Variants in RBFOX1 observed in about 807,000 individuals in gnomAD.
The protein encoded by RBFOX1 is RNA binding fox-1 homolog 1.
Under a neutral mutation model 57.7 loss-of-function variants are expected in RBFOX1, and 8 were observed. That is an observed-to-expected ratio of 0.14 (90% CI 0.08 to 0.25). The LOEUF (loss-of-function observed/expected upper bound fraction) is 0.25. Among genes scored for constraint, RBFOX1 ranks in the 10% least tolerant of loss-of-function variants. The pLI is 1.00. For missense variants in RBFOX1, 611 were observed against 548.5 expected (o/e 1.11, Z -1.14); for synonymous variants, 326 against 222.4 (o/e 1.47, Z -4.15).
intron 4 of RBFOX1, among the ~76,000 whole-genome samples, chr16:7,150,486 T>C (rs1394181186): frequency 6.6e-6 from 1 of 152,172 alleles, no homozygotes; most frequent in Non-Finnish European, 1.5e-5. Flanking sequence ...TACCACTCAA[T>C]GGTGGTAACA....
chr16:5,333,953 T>G (rs1355079982), intron 1 of RBFOX1, among the ~76,000 whole-genome samples: 1 of 152,156 alleles, frequency 6.6e-6, no homozygotes, highest in Non-Finnish European at 1.5e-5. Context: ...GTACATGACT[T>G]TGTAAGAGTT....
intron 3 of RBFOX1, among the ~76,000 whole-genome samples, chr16:6,917,409 AG>A (rs1235629414): frequency 6.6e-6 from 1 of 152,204 alleles, no homozygotes; most frequent in Admixed American, 6.5e-5. Context: ...TATCTTATAA[AG>A]AAATCTACAA....
At chr16:7,312,583 G>T (rs982415598) in intron 4 of RBFOX1, among the ~76,000 whole-genome samples, 3 of 152,110 alleles carry the variant, frequency 2.0e-5, no homozygotes, top group African/African-American at 7.2e-5. Flanking sequence ...CCCTGTTTGG[G>T]AGCTCTTCTC....
intron 4 of RBFOX1, among the ~76,000 whole-genome samples, chr16:5,881,344 C>T (rs2057756824): frequency 6.6e-6 from 1 of 152,158 alleles, no homozygotes; most frequent in African/African-American, 2.4e-5. Context: ...CTGGTTTTAA[C>T]CTGTGGCTTC....
chr16:6,845,515 C>T (rs940413107), intron 3 of RBFOX1, among the ~76,000 whole-genome samples: 6 of 152,132 alleles, frequency 3.9e-5, no homozygotes, highest in Non-Finnish European at 7.4e-5. Flanking sequence ...TTTCTGAGTT[C>T]TGTGTTCTGT....
At chr16:6,298,969 G>A (rs572305107) in intron 1 of RBFOX1, among the ~76,000 whole-genome samples, 3 of 152,306 alleles carry the variant, frequency 2.0e-5, no homozygotes, top group East Asian at 3.9e-4. Context: ...ATTGGTGACA[G>A]TGGATGGAAA....
At chr16:7,506,137 A>G (rs993718707) in intron 4 of RBFOX1, among the ~76,000 whole-genome samples, 3 of 139,638 alleles carry the variant, frequency 2.1e-5, no homozygotes, top group Non-Finnish European at 4.5e-5. Context: ...GTGAGCAGAG[A>G]TCGCCCCACT....
chr16:7,643,090 A>G (rs1173886452), intron 11 of RBFOX1, among the ~76,000 whole-genome samples: 1 of 152,214 alleles, frequency 6.6e-6, no homozygotes, highest in African/African-American at 2.4e-5. Context: ...TACAACAGCT[A>G]ACTTTGGGAG....
At chr16:7,582,392 A>G (rs1173499367) in intron 6 of RBFOX1, among the ~76,000 whole-genome samples, 1 of 152,188 alleles carries the variant, frequency 6.6e-6, no homozygotes, top group East Asian at 1.9e-4. Flanking sequence ...AAGTGCCAGG[A>G]ACATACAGAT....
intron 4 of RBFOX1, among the ~76,000 whole-genome samples, chr16:7,369,170 A>T (rs975617132): frequency 2.0e-5 from 3 of 152,132 alleles, no homozygotes; most frequent in Non-Finnish European, 2.9e-5. Flanking sequence ...TCTGCTTAAT[A>T]TAGGAGATTG....
intron 3 of RBFOX1, among the ~76,000 whole-genome samples, chr16:5,849,921 C>A (rs1227694064): frequency 6.6e-6 from 1 of 152,238 alleles, no homozygotes; most frequent in East Asian, 1.9e-4. Flanking sequence ...CTGCTCCTAA[C>A]TCAAAGGGAA....
chr16:5,436,807 C>T (rs1418948595), intron 1 of RBFOX1, among the ~76,000 whole-genome samples: 2 of 151,658 alleles, frequency 1.3e-5, no homozygotes, highest in Non-Finnish European at 2.9e-5. Context: ...CATTGCACTC[C>T]AGCCTGGGTG....
At chr16:6,398,332 C>G (rs948002757) in intron 2 of RBFOX1, among the ~76,000 whole-genome samples, 2 of 152,192 alleles carry the variant, frequency 1.3e-5, no homozygotes, top group African/African-American at 4.8e-5. Flanking sequence ...CATGTCCTCA[C>G]ATTTAAAAAC....
chr16:7,226,431 G>C (rs2093126173), intron 4 of RBFOX1, among the ~76,000 whole-genome samples: 1 of 152,188 alleles, frequency 6.6e-6, no homozygotes, highest in African/African-American at 2.4e-5. Flanking sequence ...AAAGAGTTGG[G>C]TAGAAAGAGG....
In RBFOX1 at chr16:6,239,740, G is replaced by A. The variant is rs552042820; in HGVS notation, c.-126-77255G>A. ...TCTTGAACTCCTGACCTCATGATCCGCCTGCCTTGGCCTCCCAAAGTGCTG... is the reference window on the plus strand; with the variant it reads ...TCTTGAACTCCTGACCTCATGATCCACCTGCCTTGGCCTCCCAAAGTGCTG... On this transcript the variant is annotated intron_variant, in intron 1 of 15. Coordinates refer to ENST00000550418, the MANE Select transcript of RBFOX1 (RefSeq NM_018723.4). Among the ~76,000 whole-genome samples, 9 of 152,020 alleles carry A rather than the reference G, an allele frequency of 5.9e-5. No homozygotes were observed. The East Asian group carries it at 1.6e-3, about 26-fold the overall frequency.
At chr16:7,440,307 A>G (rs62015745) in intron 4 of RBFOX1, among the ~76,000 whole-genome samples, 4,892 of 152,292 alleles carry the variant, frequency 0.032, 78 homozygotes, top group Middle Eastern at 0.048. Context: ...GGAGCCAGGT[A>G]GGTATGTGAA....
At chr16:5,615,582 GC>G (rs1596467535) in intron 3 of RBFOX1, among the ~76,000 whole-genome samples, 3 of 152,180 alleles carry the variant, frequency 2.0e-5, no homozygotes, top group Admixed American at 2.0e-4. Flanking sequence ...GGGAGTCCCA[GC>G]TCCGTCCTGT....
rs185621749 is a variant in RBFOX1, at chr16:7,548,424, G to T, written c.270+30035G>T. On this transcript the variant is annotated intron_variant, in intron 5 of 15. Transcript: ENST00000550418. The stretch of plus-strand genomic sequence containing the variant: ...CACCGGCTGCGCCACCCAAAGTGCT[G>T]GGATTACAGGTATGAGCCACTGCGC... Among the ~76,000 whole-genome samples, 46 of 152,316 alleles carry T rather than the reference G, an allele frequency of 3.0e-4. 1 individual carries two copies. The highest frequency in any genetic ancestry group is 9.4e-4 in the African/African-American group (39 of 41,578).
chr16:6,475,608 A>G (rs1349659104), intron 2 of RBFOX1, among the ~76,000 whole-genome samples: 1 of 152,226 alleles, frequency 6.6e-6, no homozygotes, highest in Non-Finnish European at 1.5e-5. Flanking sequence ...ATGTTCTCCC[A>G]TCTCAATATG....
Sources: allele counts gnomAD v4.1 joint callset (sites outside exome capture counted in the v4.1 genomes callset), GRCh38; gene constraint gnomAD v4.1.1; transcripts MANE v1.5; gene names NCBI Gene and HGNC (gene_info 2026-07-23, HGNC 2026-07-21).